Variants in MYO18B observed in about 807,000 individuals in gnomAD.
The protein encoded by MYO18B is myosin XVIIIB, also known as unconventional myosin-XVIIIb.
MYO18B carries 204 observed loss-of-function variants against 273.0 expected under a neutral mutation model. The ratio of observed to expected loss-of-function variants is 0.75; its 90% confidence interval spans 0.67 to 0.84. MYO18B has a LOEUF of 0.84. Ranked by LOEUF, MYO18B falls within the 40% of genes least tolerant of loss-of-function variation. MYO18B has a pLI of 0.00. For missense variants in MYO18B, 3,212 were observed against 3,287.6 expected (o/e 0.98, Z 0.56); for synonymous variants, 1,330 against 1,305.7 (o/e 1.02, Z -0.40).
intron 28 of MYO18B, 65 bp from the exon 29 acceptor site, chr22:25,898,242 A>G: frequency 6.5e-7 from 1 of 1,543,264 alleles, no homozygotes; most frequent in South Asian, 1.3e-5. Flanking sequence ...AACTCCTTGA[A>G]ATACAAAGTA....
chr22:25,868,982 A>G (rs1189887491), intron 22 of MYO18B, among the ~76,000 whole-genome samples: 1 of 152,178 alleles, frequency 6.6e-6, no homozygotes, highest in Non-Finnish European at 1.5e-5. Flanking sequence ...CATGGTATTT[A>G]GGGTTTCTCA....
intron 34 of MYO18B, among the ~76,000 whole-genome samples, chr22:25,922,072 GTGCT>G (rs1402993871): frequency 3.9e-5 from 6 of 152,138 alleles, no homozygotes; most frequent in Non-Finnish European, 5.9e-5. Context: ...TCTGCACATG[GTGCT>G]GCATGGTGTT....
chr22:25,770,107 C>T lies in MYO18B; in HGVS notation c.1513-3C>T. On this transcript the variant is annotated splice_region_variant and splice_polypyrimidine_tract_variant and intron_variant, in intron 4 of 43. Transcript: ENST00000335473. ...GTTTAATTTACGTGATGTTGGTTCT[C>T]AGGCTCCTGAGGACAGATGGTATGA... The T allele has an allele frequency of 1.9e-6, 3 of 1,613,870 alleles. No homozygotes were observed. The highest frequency in any genetic ancestry group is 1.1e-5 in the South Asian group (1 of 91,060).
intron 21 of MYO18B, among the ~76,000 whole-genome samples, chr22:25,862,956 G>A (rs2090781630): frequency 6.6e-6 from 1 of 151,876 alleles, no homozygotes; most frequent in South Asian, 2.1e-4. Flanking sequence ...ATATTGGCAC[G>A]CTTGATTTGC....
intron 21 of MYO18B, among the ~76,000 whole-genome samples, chr22:25,858,057 C>G (rs2090625452): frequency 6.6e-6 from 1 of 152,202 alleles, no homozygotes; most frequent in Non-Finnish European, 1.5e-5. Flanking sequence ...ATAGTTTCTG[C>G]CTTTTTCCAG....
chr22:25,894,050 A>G (rs997862964), intron 27 of MYO18B, among the ~76,000 whole-genome samples: 11 of 152,212 alleles, frequency 7.2e-5, no homozygotes, highest in Non-Finnish European at 1.5e-4. Context: ...TTTCCAGTGG[A>G]AGTTATTGAG....
chr22:26,024,582 T>C (rs955289141), intron 42 of MYO18B, among the ~76,000 whole-genome samples: 1 of 152,220 alleles, frequency 6.6e-6, no homozygotes, highest in African/African-American at 2.4e-5. Flanking sequence ...AGACCGCTGC[T>C]GTAACCCTCC....
chr22:25,851,040 G>C (rs981043067), intron 20 of MYO18B, among the ~76,000 whole-genome samples: 79 of 152,180 alleles, frequency 5.2e-4, no homozygotes, highest in African/African-American at 1.9e-3. Flanking sequence ...ACAGTGTATG[G>C]GGTGGTAATA....
intron 17 of MYO18B, among the ~76,000 whole-genome samples, chr22:25,841,015 A>G (rs2090066909): frequency 6.6e-6 from 1 of 152,228 alleles, no homozygotes; most frequent in Non-Finnish European, 1.5e-5. Context: ...AGAACATTCA[A>G]TCATCCAGAA....
chr22:25,845,230 C>T (rs118084573), intron 18 of MYO18B, among the ~76,000 whole-genome samples: 4,504 of 152,234 alleles, frequency 0.03, 93 homozygotes, highest in Non-Finnish European at 0.044. Flanking sequence ...GAAAAGCTGG[C>T]ACCCTTGGCC....
chr22:25,921,999 C>CATG, intron 34 of MYO18B, among the ~76,000 whole-genome samples: 1 of 152,294 alleles, frequency 6.6e-6, no homozygotes, highest in East Asian at 1.9e-4. Context: ...TTGATCAAGG[C>CATG]ATGATGTTGA....
In MYO18B at chr22:25,898,430, C is replaced by T. The variant is rs375819351; in HGVS notation, c.4792C>T (p.Arg1598Ter). The T allele has an allele frequency of 1.4e-5, 23 of 1,613,782 alleles. No homozygotes were observed. Among genetic ancestry groups the T allele is most frequent in the East Asian group, 2.2e-5 (1 of 44,890 alleles). The change falls in exon 29 of 44, where the codon CGA becomes TGA. Residue 1598 changes from arginine to a stop codon, truncating the protein, a stop_gained. Coordinates refer to ENST00000335473, the MANE Select transcript of MYO18B (RefSeq NM_032608.7). LOFTEE classifies it high-confidence loss of function. ...TCVLLENQQS[R>*]NHELEKKQKK... ...CGTCCTGCTAGAGAACCAACAAAGTCGAAACCATGAGCTGGAGAAGAAGCA... is the reference window on the plus strand; with the variant it reads ...CGTCCTGCTAGAGAACCAACAAAGTTGAAACCATGAGCTGGAGAAGAAGCA...
the MYO18B span, among the ~76,000 whole-genome samples, chr22:26,043,574 G>A: frequency 6.1e-3 from 892 of 146,902 alleles, 11 homozygotes; most frequent in African/African-American, 0.021. Flanking sequence ...GCAATGGTGC[G>A]ATCTCGGCTC....
intron 22 of MYO18B, among the ~76,000 whole-genome samples, chr22:25,869,238 C>G (rs1403560046): frequency 6.6e-5 from 10 of 151,992 alleles, no homozygotes; most frequent in Non-Finnish European, 5.9e-5. Flanking sequence ...CACCTGAGGT[C>G]AGGAGTTCGA....
intron 13 of MYO18B, among the ~76,000 whole-genome samples, chr22:25,825,161 T>G (rs1391470039): frequency 1.3e-5 from 2 of 152,168 alleles, no homozygotes; most frequent in Non-Finnish European, 2.9e-5. Flanking sequence ...ACAGATGCAG[T>G]CACCACTTTG....
chr22:25,879,250 G>A (rs1231059563), intron 25 of MYO18B, among the ~76,000 whole-genome samples: 2 of 152,176 alleles, frequency 1.3e-5, no homozygotes, highest in Non-Finnish European at 1.5e-5. Context: ...TGTGGCCTGC[G>A]AAAGCTAAAA....
rs556135476 is a variant in MYO18B at position 25,939,942 on chromosome 22, A to G, written c.5518-6195A>G. On this transcript the variant is annotated intron_variant, in intron 34 of 43. Coordinates refer to ENST00000335473, the MANE Select transcript of MYO18B (RefSeq NM_032608.7). ...GTTGTTGACCCTACCTCGGAGTGCT[A>G]TTCTGAAAGTTAGATGAATTAATAC... Among the ~76,000 whole-genome samples, 19 of 152,286 alleles carry G rather than the reference A, an allele frequency of 1.2e-4. No individual in the cohort carries two copies. In the South Asian group the frequency reaches 3.3e-3, roughly 27 times the overall value.
chr22:25,966,557 A>G (rs111995552), intron 39 of MYO18B, among the ~76,000 whole-genome samples: 2,072 of 152,198 alleles, frequency 0.014, 44 homozygotes, highest in African/African-American at 0.047. Flanking sequence ...TAGCCCTCCT[A>G]ATTACTGCCC....
intron 33 of MYO18B, among the ~76,000 whole-genome samples, chr22:25,911,894 C>G (rs948791617): frequency 5.9e-5 from 9 of 152,178 alleles, no homozygotes; most frequent in African/African-American, 2.2e-4. Context: ...CCTTCCTGTG[C>G]TGCTGCTGCA....
Sources: allele counts gnomAD v4.1 joint callset (sites outside exome capture counted in the v4.1 genomes callset), GRCh38; gene constraint gnomAD v4.1.1; transcripts MANE v1.5; gene names NCBI Gene and HGNC (gene_info 2026-07-23, HGNC 2026-07-21).